Variants in C7orf78 observed in about 807,000 individuals in gnomAD.
C7orf78 encodes the protein putative uncharacterized protein C7orf78.
At chr7:12,491,699 C>T in the C7orf78 span, 1 of 152,170 alleles carries the variant, frequency 6.6e-6, no homozygotes, top group Non-Finnish European at 1.5e-5. Flanking sequence ...TTCTATGTTA[C>T]TCATCTCTCT....
the C7orf78 span, chr7:12,507,032 G>A: frequency 5.4e-5 from 23 of 427,362 alleles, no homozygotes; most frequent in Admixed American, 2.8e-4. Flanking sequence ...GGCCGGGCGC[G>A]GTGTCACCCT....
chr7:12,525,069 G>A, the C7orf78 span, among the ~76,000 whole-genome samples: 1 of 152,060 alleles, frequency 6.6e-6, no homozygotes, highest in Non-Finnish European at 1.5e-5. Flanking sequence ...ATTAAAGAGC[G>A]AAAAATCTTG....
the C7orf78 span, among the ~76,000 whole-genome samples, chr7:12,527,787 G>A: frequency 6.7e-6 from 1 of 149,704 alleles, no homozygotes; most frequent in Non-Finnish European, 1.5e-5. Flanking sequence ...ATCTAGCTGT[G>A]TAATTGAAAT....
the C7orf78 span, among the ~76,000 whole-genome samples, chr7:12,499,296 G>A: frequency 3.3e-5 from 5 of 152,042 alleles, no homozygotes; most frequent in Non-Finnish European, 7.4e-5. Flanking sequence ...TGGCAAATTG[G>A]ATAAAGAGTC....
the C7orf78 span, chr7:12,491,259 T>C: frequency 1.3e-5 from 2 of 152,206 alleles, no homozygotes; most frequent in Non-Finnish European, 2.9e-5. Flanking sequence ...TAGGGATGTC[T>C]AGATTTGGTC....
the C7orf78 span, chr7:12,504,547 G>A: frequency 6.6e-6 from 1 of 152,244 alleles, no homozygotes; most frequent in South Asian, 2.1e-4. Flanking sequence ...CTTTCAAATG[G>A]TAAGTGAAGT....
chr7:12,538,221 AG>A, the C7orf78 span: 1 of 152,210 alleles, frequency 6.6e-6, no homozygotes, highest in Admixed American at 6.5e-5. Flanking sequence ...AAAGAAAGAA[AG>A]AAAGCCTCAT....
chr7:12,502,720 A>T, the C7orf78 span, among the ~76,000 whole-genome samples: 1 of 151,606 alleles, frequency 6.6e-6, no homozygotes, highest in African/African-American at 2.4e-5. Context: ...TGACCCAGCC[A>T]TCCCATTACT....
chr7:12,530,729 G>A, the C7orf78 span, among the ~76,000 whole-genome samples: 8 of 152,094 alleles, frequency 5.3e-5, no homozygotes, highest in African/African-American at 1.9e-4. Flanking sequence ...TATCTCATTG[G>A]AAATCACGAG....
the C7orf78 span, among the ~76,000 whole-genome samples, chr7:12,500,330 T>C: frequency 1.3e-5 from 2 of 151,164 alleles, no homozygotes; most frequent in Non-Finnish European, 3.0e-5. Flanking sequence ...GATAGACCGC[T>C]AGCAAGACTA....
chr7:12,509,531 C>T, the C7orf78 span, among the ~76,000 whole-genome samples: 1 of 152,120 alleles, frequency 6.6e-6, no homozygotes, highest in Admixed American at 6.6e-5. Flanking sequence ...GTATAGTCAA[C>T]CTAATCTGCT....
the C7orf78 span, among the ~76,000 whole-genome samples, chr7:12,536,846 AAC>A: frequency 6.6e-6 from 1 of 152,134 alleles, no homozygotes; most frequent in Non-Finnish European, 1.5e-5. Context: ...AAAACATGAC[AAC>A]AGTCACCTTT....
chr7:12,502,719 C>T, the C7orf78 span, among the ~76,000 whole-genome samples: 2 of 151,292 alleles, frequency 1.3e-5, no homozygotes, highest in South Asian at 4.2e-4. Context: ...TTGACCCAGC[C>T]ATCCCATTAC....
At chr7:12,536,213 G>A in the C7orf78 span, among the ~76,000 whole-genome samples, 2 of 152,156 alleles carry the variant, frequency 1.3e-5, no homozygotes, top group South Asian at 4.1e-4. Context: ...TGGGCATCCA[G>A]ATGTTTCCCT....
At chr7:12,536,523 G>T in the C7orf78 span, among the ~76,000 whole-genome samples, 2 of 152,134 alleles carry the variant, frequency 1.3e-5, no homozygotes, top group African/African-American at 4.8e-5. Flanking sequence ...ACATGCCGTG[G>T]AGACATTTCC....
chr7:12,511,836 C>T, the C7orf78 span, among the ~76,000 whole-genome samples: 1 of 151,186 alleles, frequency 6.6e-6, no homozygotes, highest in Non-Finnish European at 1.5e-5. Context: ...ACTGCAAGCT[C>T]TGCTTCCCGG....
chr7:12,487,179 A>G, the C7orf78 span: 4 of 152,026 alleles, frequency 2.6e-5, no homozygotes, highest in Non-Finnish European at 5.9e-5. Context: ...TAATTTGGGG[A>G]ATAATTTTGG....
the C7orf78 span, among the ~76,000 whole-genome samples, chr7:12,520,907 G>A: frequency 6.6e-6 from 1 of 152,068 alleles, no homozygotes. Flanking sequence ...GGTGCTGGAT[G>A]CACATATATT....
the C7orf78 span, among the ~76,000 whole-genome samples, chr7:12,498,383 G>A: frequency 6.6e-6 from 1 of 150,880 alleles, no homozygotes; most frequent in Admixed American, 6.6e-5. Flanking sequence ...ACAGAGAAGT[G>A]CTTAAAGGAG....
Sources: allele counts gnomAD v4.1 joint callset (sites outside exome capture counted in the v4.1 genomes callset), GRCh38; gene constraint gnomAD v4.1.1; transcripts MANE v1.5; gene names NCBI Gene and HGNC (gene_info 2026-07-23, HGNC 2026-07-21).